Variants in MIR2052HG observed in about 807,000 individuals in gnomAD.
MIR2052HG encodes MIR2052 host gene.
intron 2 of MIR2052HG, chr8:74,615,153 CTG>C (rs1475858321): frequency 1.3e-5 from 2 of 152,194 alleles, no homozygotes; most frequent in Admixed American, 1.3e-4. Context: ...AGGAAGCCAG[CTG>C]TGTGGGTTGT....
intron 2 of MIR2052HG, among the ~76,000 whole-genome samples, chr8:74,656,483 G>C (rs995712714): frequency 1.3e-4 from 20 of 152,224 alleles, no homozygotes; most frequent in Admixed American, 2.6e-4. Context: ...GATCTGATGG[G>C]TTTATCATGG....
intron 2 of MIR2052HG, among the ~76,000 whole-genome samples, chr8:74,674,400 A>T (rs926350829): frequency 2.6e-5 from 4 of 151,942 alleles, no homozygotes; most frequent in Admixed American, 2.0e-4. Context: ...AACTAGTTTG[A>T]TGATTAACTA....
chr8:74,617,487 G>C (rs995705716), intron 2 of MIR2052HG, among the ~76,000 whole-genome samples: 1 of 138,024 alleles, frequency 7.2e-6, no homozygotes, highest in East Asian at 2.1e-4. Context: ...GTGTGTGTGT[G>C]TATACATACA....
At chr8:74,641,715 C>T (rs944269560) in intron 2 of MIR2052HG, among the ~76,000 whole-genome samples, 6 of 151,792 alleles carry the variant, frequency 4.0e-5, no homozygotes, top group Admixed American at 2.0e-4. Context: ...TGAATAATTC[C>T]GCATCAATAT....
chr8:74,722,205 G>T (rs1285918098), intron 4 of MIR2052HG, among the ~76,000 whole-genome samples: 2 of 152,084 alleles, frequency 1.3e-5, no homozygotes, highest in Non-Finnish European at 2.9e-5. Flanking sequence ...AAAAATCAAG[G>T]CTCTATGTTT....
At chr8:74,745,027 G>A (rs1809869682) in intron 4 of MIR2052HG, among the ~76,000 whole-genome samples, 1 of 152,148 alleles carries the variant, frequency 6.6e-6, no homozygotes, top group Non-Finnish European at 1.5e-5. Context: ...CACTGTGAGA[G>A]TCTGAGAATT....
intron 2 of MIR2052HG, among the ~76,000 whole-genome samples, chr8:74,663,527 GAAA>G (rs758690829): frequency 6.6e-6 from 1 of 152,210 alleles, no homozygotes; most frequent in Non-Finnish European, 1.5e-5. Flanking sequence ...GCAAAGGAGA[GAAA>G]AGATAAGTCA....
chr8:74,754,202 C>T (rs1809976403), intron 5 of MIR2052HG, among the ~76,000 whole-genome samples: 2 of 152,172 alleles, frequency 1.3e-5, no homozygotes, highest in Non-Finnish European at 2.9e-5. Context: ...ACAGAGCACT[C>T]AGCACATAGG....
At position 74,613,066 on chromosome 8, in the gene MIR2052HG, A is replaced by T. The variant is rs1288039418; in HGVS notation, n.216+126A>T. 6 of 354,516 alleles carry T rather than the reference A, an allele frequency of 1.7e-5. No homozygotes were observed. In the East Asian group the frequency reaches 4.6e-4, roughly 27 times the overall value. 22.0% of individuals were successfully genotyped at this position (354,516 alleles called of 1,614,324 possible). A position where few individuals can be genotyped will look rare whatever the true frequency, so the allele number is the denominator to read the frequency against. On this transcript the variant is annotated intron_variant and non_coding_transcript_variant, in intron 2 of 6. Coordinates refer to ENST00000523442, the Ensembl canonical transcript of MIR2052HG. ...GAAAAGGGAGAGCGTTGCTGATGAG[A>T]GAGGCCACGGCTACAGTTTTGTGGG...
chr8:74,622,453 A>C, intron 2 of MIR2052HG, among the ~76,000 whole-genome samples: 1 of 151,924 alleles, frequency 6.6e-6, no homozygotes, highest in East Asian at 1.9e-4. Flanking sequence ...AAAATACAAA[A>C]ATTAGCTGAG....
chr8:74,632,117 T>C (rs1416629450), intron 2 of MIR2052HG, among the ~76,000 whole-genome samples: 1 of 152,126 alleles, frequency 6.6e-6, no homozygotes, highest in Non-Finnish European at 1.5e-5. Context: ...AGCTTAGACA[T>C]CACAACACCT....
At chr8:74,733,474 T>C (rs1809716447) in intron 4 of MIR2052HG, among the ~76,000 whole-genome samples, 1 of 151,350 alleles carries the variant, frequency 6.6e-6, no homozygotes, top group Admixed American at 6.6e-5. Flanking sequence ...CTTAATCCAG[T>C]CTATCATTGT....
At chr8:74,704,473 A>G (rs2128741135) in intron 4 of MIR2052HG, among the ~76,000 whole-genome samples, 1 of 152,180 alleles carries the variant, frequency 6.6e-6, no homozygotes, top group South Asian at 2.1e-4. Context: ...ATCTGGCCAT[A>G]GGAGATCCAG....
At chr8:74,600,225 T>C (rs929564895) in intron 1 of MIR2052HG, among the ~76,000 whole-genome samples, 15 of 152,070 alleles carry the variant, frequency 9.9e-5, no homozygotes, top group Non-Finnish European at 1.9e-4. Flanking sequence ...ACTGGAGCTG[T>C]TCCTATTCGG....
intron 4 of MIR2052HG, among the ~76,000 whole-genome samples, chr8:74,740,841 CA>C (rs947872945): frequency 1.3e-5 from 2 of 152,138 alleles, no homozygotes. Flanking sequence ...TTGTAACACT[CA>C]AATACGTTAT....
chr8:74,712,743 T>G (rs1032037568), intron 4 of MIR2052HG, among the ~76,000 whole-genome samples: 1 of 151,156 alleles, frequency 6.6e-6, no homozygotes, highest in African/African-American at 2.4e-5. Context: ...ATCATTCAAA[T>G]GTACTTAAGA....
intron 4 of MIR2052HG, among the ~76,000 whole-genome samples, chr8:74,707,162 G>A (rs1232334095): frequency 5.9e-5 from 9 of 152,126 alleles, no homozygotes; most frequent in South Asian, 2.1e-4. Flanking sequence ...GATATCTGTC[G>A]TCACCTGAAA....
intron 1 of MIR2052HG, among the ~76,000 whole-genome samples, chr8:74,611,522 T>C (rs1808194657): frequency 6.6e-6 from 1 of 152,220 alleles, no homozygotes; most frequent in African/African-American, 2.4e-5. Context: ...TTTTGCAAGA[T>C]GTCTGTTAAC....
intron 2 of MIR2052HG, among the ~76,000 whole-genome samples, chr8:74,648,226 G>T (rs1003743030): frequency 5.3e-5 from 8 of 152,062 alleles, no homozygotes; most frequent in Non-Finnish European, 8.8e-5. Context: ...ATGCATTCCT[G>T]GGGGGAGGTC....
Sources: gnomAD v4.1 joint callset for allele counts (sites outside exome capture counted in the v4.1 genomes callset) on GRCh38, gnomAD v4.1.1 for gene constraint, MANE v1.5 for transcripts, NCBI Gene and HGNC (gene_info 2026-07-23, HGNC 2026-07-21) for gene names.